LDB2: variants seen among roughly 807,000 people sequenced by gnomAD.
LDB2 encodes LIM domain-binding protein 2.
Under a neutral mutation model 44.3 loss-of-function variants are expected in LDB2, and 12 were observed. The observed-to-expected ratio is 0.27, with a 90% CI of 0.17 to 0.44. The LOEUF (loss-of-function observed/expected upper bound fraction) is 0.44. LDB2 is among the 20% of genes least tolerant of loss of function. The pLI is 1.00. For missense variants in LDB2, 344 were observed against 473.5 expected (o/e 0.73, Z 2.54); for synonymous variants, 164 against 174.8 (o/e 0.94, Z 0.49).
intron 1 of LDB2, among the ~76,000 whole-genome samples, chr4:16,815,554 C>A (rs1473974601): frequency 6.6e-6 from 1 of 152,204 alleles, no homozygotes; most frequent in African/African-American, 2.4e-5. Flanking sequence ...GTAAGATCCT[C>A]TGACTACAGG....
At chr4:16,515,440 A>T (rs1723285702) in intron 5 of LDB2, among the ~76,000 whole-genome samples, 1 of 152,236 alleles carries the variant, frequency 6.6e-6, no homozygotes, top group Non-Finnish European at 1.5e-5. Flanking sequence ...TTGTAAAAAA[A>T]GATGCTTTGC....
intron 1 of LDB2, among the ~76,000 whole-genome samples, chr4:16,762,321 G>T (rs188071890): frequency 4.9e-4 from 74 of 152,324 alleles, no homozygotes; most frequent in Admixed American, 7.2e-4. Context: ...AAATCTGAAT[G>T]AAAATGTATT....
At chr4:16,617,652 A>C (rs1317022372) in intron 2 of LDB2, among the ~76,000 whole-genome samples, 1 of 152,210 alleles carries the variant, frequency 6.6e-6, no homozygotes, top group Non-Finnish European at 1.5e-5. Flanking sequence ...CCTAAGAGCT[A>C]CACATGGAAG....
intron 1 of LDB2, among the ~76,000 whole-genome samples, chr4:16,845,015 A>T (rs1411898790): frequency 6.6e-6 from 1 of 152,196 alleles, no homozygotes; most frequent in Non-Finnish European, 1.5e-5. Context: ...CCACTGGGGG[A>T]AAGTTCACTC....
intron 2 of LDB2, among the ~76,000 whole-genome samples, chr4:16,604,540 T>G (rs1723425467): frequency 6.7e-6 from 1 of 149,836 alleles, no homozygotes; most frequent in South Asian, 2.1e-4. Flanking sequence ...TATATATATA[T>G]ATGTATAACA....
At chr4:16,503,782 A>C (rs1718253040) in intron 7 of LDB2, among the ~76,000 whole-genome samples, 1 of 152,218 alleles carries the variant, frequency 6.6e-6, no homozygotes, top group Non-Finnish European at 1.5e-5. Context: ...AATCCATCTA[A>C]TCACTCTTTT....
At chr4:16,826,257 C>T (rs993359787) in intron 1 of LDB2, among the ~76,000 whole-genome samples, 2 of 152,160 alleles carry the variant, frequency 1.3e-5, no homozygotes, top group African/African-American at 4.8e-5. Flanking sequence ...GATTTTAAAT[C>T]ACATAATTGT....
intron 5 of LDB2, among the ~76,000 whole-genome samples, chr4:16,553,012 A>C (rs1738210579): frequency 6.6e-6 from 1 of 152,206 alleles, no homozygotes; most frequent in South Asian, 2.1e-4. Flanking sequence ...TCACACATCC[A>C]GTGTAGACAA....
At chr4:16,508,031 C>G (rs909188548) in intron 7 of LDB2, among the ~76,000 whole-genome samples, 1 of 152,124 alleles carries the variant, frequency 6.6e-6, no homozygotes, top group African/African-American at 2.4e-5. Flanking sequence ...ATGGGCTAAG[C>G]GAGAGCTTCA....
intron 1 of LDB2, among the ~76,000 whole-genome samples, chr4:16,781,293 T>C (rs1361585273): frequency 6.6e-6 from 1 of 152,172 alleles, no homozygotes; most frequent in Non-Finnish European, 1.5e-5. Flanking sequence ...TGCGCGGCAG[T>C]TTCTTTAGCT....
At chr4:16,811,249 A>G (rs1286263128) in intron 1 of LDB2, among the ~76,000 whole-genome samples, 1 of 152,146 alleles carries the variant, frequency 6.6e-6, no homozygotes, top group Non-Finnish European at 1.5e-5. Context: ...GCAAACACTT[A>G]TTGAGCACTA....
intron 1 of LDB2, among the ~76,000 whole-genome samples, chr4:16,847,197 A>G (rs1301884291): frequency 1.3e-5 from 2 of 152,220 alleles, no homozygotes; most frequent in Non-Finnish European, 2.9e-5. Flanking sequence ...TATGCTCACT[A>G]GTAAGCCACA....
Position 16,603,922 on chromosome 4 carries a change from G to A in LDB2, c.236-8047C>T, listed in dbSNP as rs575140962. Among the ~76,000 whole-genome samples the A allele has an allele frequency of 1.2e-4, 19 of 152,242 alleles. No individual in the cohort carries two copies. The East Asian group carries it at 1.9e-3, about 15-fold the overall frequency. On this transcript the variant is annotated intron_variant, in intron 2 of 7. Transcript: ENST00000304523. ...CTCACTCTGTCACCTGGGCTAGAGC[G>A]CAGTAATGCAATCATAGCTCACTGT...
intron 2 of LDB2, among the ~76,000 whole-genome samples, chr4:16,692,715 G>T (rs1434661045): frequency 1.3e-5 from 2 of 152,162 alleles, no homozygotes; most frequent in African/African-American, 4.8e-5. Flanking sequence ...GAAAAATGCA[G>T]ATATGATGAT....
chr4:16,633,299 A>T (rs1732553000), intron 2 of LDB2, among the ~76,000 whole-genome samples: 1 of 152,096 alleles, frequency 6.6e-6, no homozygotes, highest in African/African-American at 2.4e-5. Flanking sequence ...GGGTGGAGGG[A>T]TGGGGGAGGG....
rs145483605 is a variant in LDB2 at position 16,883,537 on chromosome 4, C to T, written c.132+14817G>A. Among the ~76,000 whole-genome samples the T allele has an allele frequency of 5.3e-5, 8 of 152,298 alleles. No individual in the cohort carries two copies. In the South Asian group the frequency reaches 1.5e-3, roughly 28 times the overall value. On this transcript the variant is annotated intron_variant, in intron 1 of 7. Coordinates refer to ENST00000304523, the MANE Select transcript of LDB2 (RefSeq NM_001290.5). Reference sequence around the variant, plus strand: ...ATACCCGCCCACTTAGGGCTTGGGACGTTCCTCTGATGTTGACAGATGATT... The same window carrying T: ...ATACCCGCCCACTTAGGGCTTGGGATGTTCCTCTGATGTTGACAGATGATT...
At chr4:16,550,810 T>C (rs112335561) in intron 5 of LDB2, among the ~76,000 whole-genome samples, 1,948 of 152,326 alleles carry the variant, frequency 0.013, 47 homozygotes, top group African/African-American at 0.045. Flanking sequence ...CAAGGGTGTT[T>C]ATAGTAGCAC....
chr4:16,779,444 C>T (rs962914311), intron 1 of LDB2, among the ~76,000 whole-genome samples: 10 of 152,184 alleles, frequency 6.6e-5, no homozygotes, highest in African/African-American at 1.9e-4. Context: ...CACTTCAGAA[C>T]GAGACTAGGT....
chr4:16,897,944 ATG>A (rs1288244812), intron 1 of LDB2, among the ~76,000 whole-genome samples: 82 of 17,064 alleles, frequency 4.8e-3, no homozygotes, highest in Admixed American at 6.9e-3. Context: ...ATATACACAT[ATG>A]TATATATATA....
Sources: allele counts gnomAD v4.1 joint callset (sites outside exome capture counted in the v4.1 genomes callset), GRCh38; gene constraint gnomAD v4.1.1; transcripts MANE v1.5; gene names NCBI Gene and HGNC (gene_info 2026-07-23, HGNC 2026-07-21).